Variants in CPA6 observed in about 807,000 individuals in gnomAD.
CPA6 encodes the protein carboxypeptidase B.
In CPA6, 58 loss-of-function variants were observed where a neutral mutation model predicts 63.3. That is an observed-to-expected ratio of 0.92 (90% confidence interval 0.74 to 1.14). CPA6 has a LOEUF of 1.14. Among genes scored for constraint, CPA6 ranks in the 50% most tolerant of loss-of-function variants. CPA6 has a pLI of 0.00. For missense variants in CPA6, 565 were observed against 526.6 expected (o/e 1.07, Z -0.71); for synonymous variants, 185 against 179.0 (o/e 1.03, Z -0.27).
intron 2 of CPA6, among the ~76,000 whole-genome samples, chr8:67,530,529 G>T (rs1157804724): frequency 6.6e-6 from 1 of 152,150 alleles, no homozygotes; most frequent in Non-Finnish European, 1.5e-5. Context: ...GCTAGAAAAT[G>T]CTGAATAAAA....
intron 2 of CPA6, among the ~76,000 whole-genome samples, chr8:67,558,055 G>A (rs1813109222): frequency 6.6e-6 from 1 of 152,154 alleles, no homozygotes; most frequent in Admixed American, 6.6e-5. Flanking sequence ...CTCTCAGACT[G>A]CATATCTTAC....
intron 1 of CPA6, among the ~76,000 whole-genome samples, chr8:67,713,099 G>GTGTGTGTGTATATA (rs1328463977): frequency 5.6e-4 from 31 of 55,018 alleles, no homozygotes; most frequent in African/African-American, 2.0e-3. Context: ...GTGTGTGTGT[G>GTGTGTGTGTATATA]TATATATATA....
intron 1 of CPA6, among the ~76,000 whole-genome samples, chr8:67,698,949 A>G (rs972636797): frequency 4.6e-5 from 7 of 152,334 alleles, no homozygotes; most frequent in Admixed American, 3.3e-4. Context: ...TGGAAAGTCC[A>G]GAAGCACTTG....
chr8:67,612,445 C>CCCT (rs1814833058), intron 2 of CPA6, among the ~76,000 whole-genome samples: 1 of 152,160 alleles, frequency 6.6e-6, no homozygotes, highest in Non-Finnish European at 1.5e-5. Context: ...TGTACTGGGT[C>CCCT]AATGTCTTTT....
chr8:67,437,129 C>T (rs1810177975), intron 8 of CPA6, among the ~76,000 whole-genome samples: 1 of 152,166 alleles, frequency 6.6e-6, no homozygotes, highest in African/African-American at 2.4e-5. Context: ...GGCGTGGTGG[C>T]TTATGCTTGT....
intron 6 of CPA6, among the ~76,000 whole-genome samples, chr8:67,488,062 T>C (rs1212260033): frequency 2.6e-5 from 4 of 152,232 alleles, no homozygotes; most frequent in Non-Finnish European, 5.9e-5. Flanking sequence ...TTTAATTAGA[T>C]CCCATTTGTC....
intron 2 of CPA6, among the ~76,000 whole-genome samples, chr8:67,615,010 C>T (rs543069145): frequency 2.0e-5 from 3 of 152,204 alleles, no homozygotes; most frequent in African/African-American, 7.2e-5. Flanking sequence ...TAATTAAATT[C>T]GAATGATGTT....
chr8:67,475,767 CTCTTTCTTTCTTTCTT>C lies in CPA6; in HGVS notation c.838+7985_838+8000del, dbSNP rs71253008. 1.0e-3 allele frequency among the ~76,000 whole-genome samples: 74 copies of C among 71,656 alleles called. 1 individual carries two copies. Among genetic ancestry groups the C allele is most frequent in the Middle Eastern group, 6.8e-3 (1 of 146 alleles). 47.0% of individuals were successfully genotyped at this position (71,656 alleles called of 152,430 possible). A position where few individuals can be genotyped will look rare whatever the true frequency, so the allele number is the denominator to read the frequency against. The stretch of plus-strand genomic sequence containing the variant: ...TCCTTCTTTCTTTTTTTCTTTCTTT[CTCTTTCTTTCTTTCTT>C]TCTTTCTTTCTTTCTTTCTTTCTTT... On this transcript the variant is annotated intron_variant, in intron 8 of 10. Transcript: ENST00000297770.
At chr8:67,441,039 G>C (rs1043307177) in intron 8 of CPA6, among the ~76,000 whole-genome samples, 6 of 151,972 alleles carry the variant, frequency 3.9e-5, no homozygotes, top group African/African-American at 1.5e-4. Flanking sequence ...TATGAATTTG[G>C]GGGGAACAAA....
intron 2 of CPA6, among the ~76,000 whole-genome samples, chr8:67,584,634 G>C (rs2128979240): frequency 6.6e-6 from 1 of 152,280 alleles, no homozygotes; most frequent in East Asian, 1.9e-4. Context: ...AAGCAGATGA[G>C]CAGGAAAACT....
intron 2 of CPA6, among the ~76,000 whole-genome samples, chr8:67,602,355 A>G (rs1814517411): frequency 6.6e-6 from 1 of 152,172 alleles, no homozygotes; most frequent in Non-Finnish European, 1.5e-5. Context: ...GAAGAGGAAT[A>G]GGAGGGGGTC....
chr8:67,688,943 C>A lies in CPA6; in HGVS notation c.116+57071G>T, dbSNP rs190125253. 2.8e-4 allele frequency among the ~76,000 whole-genome samples: 42 copies of A among 151,938 alleles called. No individual in the cohort carries two copies. The East Asian group carries it at 2.9e-3, about 10-fold the overall frequency. On this transcript the variant is annotated intron_variant, in intron 1 of 10. Transcript: ENST00000297770. The stretch of plus-strand genomic sequence containing the variant: ...TATAGTTTTCTCAGATTCGAATATA[C>A]CATCCCATTTGTTGTTGTAATCCTA...
At position 67,746,354 on chromosome 8, in the gene CPA6, C is replaced by A. The variant is rs1449007953; in HGVS notation, c.-225G>T. 4 of 368,830 alleles carry A rather than the reference C, an allele frequency of 1.1e-5. No homozygotes were observed. Among genetic ancestry groups the A allele is most frequent in the South Asian group, 5.4e-5 (1 of 18,612 alleles). The allele number at this position is 368,830 out of a possible 1,614,324, so 22.8% of individuals were successfully genotyped here. ...TACGACTTGGTCTTGGGACAAGCAG[C>A]AGCAGCAGCAGCAGCAGCTGAGCCT... On this transcript the variant is annotated 5_prime_UTR_variant, in exon 1 of 11. Coordinates refer to ENST00000297770, the MANE Select transcript of CPA6 (RefSeq NM_020361.5).
At chr8:67,498,323 G>T (rs1268539029) in intron 6 of CPA6, among the ~76,000 whole-genome samples, 1 of 151,770 alleles carries the variant, frequency 6.6e-6, no homozygotes, top group Non-Finnish European at 1.5e-5. Flanking sequence ...ATCACTTGAG[G>T]GCAGGAGTTT....
At chr8:67,529,254 A>G (rs1303910439) in intron 2 of CPA6, among the ~76,000 whole-genome samples, 1 of 152,156 alleles carries the variant, frequency 6.6e-6, no homozygotes, top group African/African-American at 2.4e-5. Flanking sequence ...TCTTTGATTA[A>G]ACAAGCTGTA....
Position 67,653,441 on chromosome 8 carries a change from T to A in CPA6, c.117-29190A>T, listed in dbSNP as rs564181546. Among the ~76,000 whole-genome samples, 77 of 151,330 alleles carry A rather than the reference T, an allele frequency of 5.1e-4. No homozygotes were observed. In the East Asian group the frequency reaches 0.012, roughly 23 times the overall value. ...ATTGAGCAGTGGTTTGTAGTTCTCC[T>A]TGAAGAGGTCCTTCACATCCCTTGT... On this transcript the variant is annotated intron_variant, in intron 1 of 10. Transcript: ENST00000297770.
intron 8 of CPA6, among the ~76,000 whole-genome samples, chr8:67,442,555 A>T (rs1810316422): frequency 6.6e-6 from 1 of 152,198 alleles, no homozygotes; most frequent in Admixed American, 6.5e-5. Context: ...CAACAAAAGT[A>T]TAAAGGCAAG....
intron 1 of CPA6, among the ~76,000 whole-genome samples, chr8:67,733,176 T>G (rs376363078): frequency 2.0e-4 from 21 of 106,020 alleles, no homozygotes; most frequent in South Asian, 1.1e-3. Flanking sequence ...CAGCCTGGGC[T>G]ACAGAGCGAG....
At chr8:67,736,221 G>A (rs994427937) in intron 1 of CPA6, among the ~76,000 whole-genome samples, 13 of 152,138 alleles carry the variant, frequency 8.5e-5, no homozygotes, top group Admixed American at 1.3e-4. Flanking sequence ...ACCACCTGGT[G>A]TAAAATATGA....
Sources: gnomAD v4.1 joint callset for allele counts (sites outside exome capture counted in the v4.1 genomes callset) on GRCh38, gnomAD v4.1.1 for gene constraint, MANE v1.5 for transcripts, NCBI Gene and HGNC (gene_info 2026-07-23, HGNC 2026-07-21) for gene names.